The following GPR158 variants were observed in gnomAD, a reference collection of about 807,000 sequenced individuals.
GPR158 encodes the protein G protein-coupled receptor 158.
Under a neutral mutation model 78.2 loss-of-function variants are expected in GPR158, and 30 were observed. That is an observed-to-expected ratio of 0.38 (90% CI 0.29 to 0.52). GPR158 has a LOEUF of 0.52. GPR158 is among the 20% of genes least tolerant of loss of function. GPR158 has a pLI of 0.83. For missense variants in GPR158, 1,463 were observed against 1,523.5 expected (o/e 0.96, Z 0.66); for synonymous variants, 581 against 591.1 (o/e 0.98, Z 0.25).
At chr10:25,357,148 G>T (rs1315298402) in intron 2 of GPR158, among the ~76,000 whole-genome samples, 1 of 152,076 alleles carries the variant, frequency 6.6e-6, no homozygotes, top group Non-Finnish European at 1.5e-5. Flanking sequence ...ATGATTTAGG[G>T]TATCTGGCAG....
At chr10:25,255,739 T>A (rs2130728118) in intron 2 of GPR158, among the ~76,000 whole-genome samples, 1 of 152,334 alleles carries the variant, frequency 6.6e-6, no homozygotes, top group African/African-American at 2.4e-5. Flanking sequence ...TCAAATATCT[T>A]TCTCTTTTGA....
chr10:25,507,636 A>T (rs1395030312), intron 5 of GPR158, among the ~76,000 whole-genome samples: 1 of 152,266 alleles, frequency 6.6e-6, no homozygotes, highest in Non-Finnish European at 1.5e-5. Context: ...ATAATACTGT[A>T]TCAGGGAAAA....
chr10:25,253,094 C>T (rs1406715758), intron 2 of GPR158, among the ~76,000 whole-genome samples: 30 of 152,280 alleles, frequency 2.0e-4, no homozygotes, highest in African/African-American at 6.7e-4. Context: ...CGTCCGTCAC[C>T]CCTTTCTTTG....
chr10:25,396,125 T>G, intron 3 of GPR158, 112 bp downstream of exon 3: 1 of 543,922 alleles, frequency 1.8e-6, no homozygotes, highest in Non-Finnish European at 3.2e-6. Context: ...ATCATTGGTT[T>G]GGCATTCTTT....
chr10:25,175,279 A>C lies in GPR158; in HGVS notation c.-142A>C, dbSNP rs542701721. The C allele has an allele frequency of 3.5e-6, 2 of 564,214 alleles. No individual in the cohort carries two copies. The highest frequency in any genetic ancestry group is 3.8e-5 in the African/African-American group (2 of 52,824). 35.0% of individuals were successfully genotyped at this position (564,214 alleles called of 1,614,324 possible). A position where few individuals can be genotyped will look rare whatever the true frequency, so the allele number is the denominator to read the frequency against. ...CCGGGGCCAATCTCGAAACATTCTT[A>C]TTTTCAAGTCCTTTGGACTGGGTGC... On this transcript the variant is annotated 5_prime_UTR_variant, in exon 1 of 11. Coordinates refer to ENST00000376351, the MANE Select transcript of GPR158 (RefSeq NM_020752.3). The surrounding 1 kb of genome is among the most constrained non-coding windows in gnomAD (Gnocchi z 6.4).
intron 2 of GPR158, among the ~76,000 whole-genome samples, chr10:25,327,174 C>T (rs895594038): frequency 8.6e-5 from 13 of 151,968 alleles, no homozygotes; most frequent in African/African-American, 1.7e-4. Flanking sequence ...CACACACACG[C>T]GCAAGAAGTG....
intron 2 of GPR158, 112 bp from the exon 3 acceptor site, chr10:25,395,799 T>C: frequency 3.8e-6 from 2 of 521,726 alleles, no homozygotes; most frequent in Non-Finnish European, 6.9e-6. Flanking sequence ...CTATTTTATT[T>C]CTGGAAAATG....
chr10:25,278,981 G>A (rs895779801), intron 2 of GPR158, among the ~76,000 whole-genome samples: 2 of 151,972 alleles, frequency 1.3e-5, no homozygotes, highest in African/African-American at 2.4e-5. Flanking sequence ...TAGTATGTAT[G>A]TGTGAAATTA....
intron 2 of GPR158, among the ~76,000 whole-genome samples, chr10:25,261,754 C>A (rs1174161043): frequency 1.3e-5 from 2 of 152,088 alleles, no homozygotes; most frequent in Admixed American, 6.6e-5. Context: ...CGCTTTTAAC[C>A]ATTATGACTG....
At chr10:25,319,275 A>C (rs2130475643) in intron 2 of GPR158, among the ~76,000 whole-genome samples, 1 of 152,324 alleles carries the variant, frequency 6.6e-6, no homozygotes, top group Admixed American at 6.5e-5. Context: ...AGGAGCCTGT[A>C]GACACTTCTG....
chr10:25,391,517 G>A (rs938943751), intron 2 of GPR158, among the ~76,000 whole-genome samples: 1 of 152,122 alleles, frequency 6.6e-6, no homozygotes, highest in South Asian at 2.1e-4. Flanking sequence ...AGATTTGACT[G>A]TCCTGCTGGA....
At chr10:25,361,988 ATTTG>A (rs1249288284) in intron 2 of GPR158, among the ~76,000 whole-genome samples, 1 of 151,536 alleles carries the variant, frequency 6.6e-6, no homozygotes, top group African/African-American at 2.4e-5. Flanking sequence ...ATTTAGTCTC[ATTTG>A]TTTATTTTTG....
At chr10:25,552,841 C>A (rs952744810) in intron 6 of GPR158, among the ~76,000 whole-genome samples, 2 of 152,148 alleles carry the variant, frequency 1.3e-5, no homozygotes, top group Non-Finnish European at 2.9e-5. Context: ...ATGTGAAACC[C>A]GATGTTCAGT....
intron 2 of GPR158, among the ~76,000 whole-genome samples, chr10:25,391,990 G>A (rs142181017): frequency 0.028 from 4,209 of 152,112 alleles, 83 homozygotes; most frequent in Non-Finnish European, 0.043. Context: ...GTTTTATAAA[G>A]GGCAGTTCTC....
intron 2 of GPR158, among the ~76,000 whole-genome samples, chr10:25,222,466 C>T (rs1289243166): frequency 6.6e-6 from 1 of 152,032 alleles, no homozygotes; most frequent in Non-Finnish European, 1.5e-5. Flanking sequence ...CCCACATCTC[C>T]ATACACCTCC....
intron 2 of GPR158, among the ~76,000 whole-genome samples, chr10:25,260,926 T>C (rs951740217): frequency 6.6e-6 from 1 of 152,190 alleles, no homozygotes; most frequent in Non-Finnish European, 1.5e-5. Flanking sequence ...AAGTTTTCAA[T>C]TGGCATTTTT....
At chr10:25,192,722 A>C (rs1852789311) in intron 1 of GPR158, among the ~76,000 whole-genome samples, 1 of 152,140 alleles carries the variant, frequency 6.6e-6, no homozygotes, top group Admixed American at 6.5e-5. Flanking sequence ...CAATTATTCA[A>C]ATTTTTGAGG....
At chr10:25,193,261 GA>G (rs979267152) in intron 1 of GPR158, among the ~76,000 whole-genome samples, 3 of 152,074 alleles carry the variant, frequency 2.0e-5, no homozygotes, top group Non-Finnish European at 2.9e-5. Context: ...GTGCTATAAG[GA>G]AAAAAATAGG....
chr10:25,567,979 A>G (rs1210957209), intron 6 of GPR158, among the ~76,000 whole-genome samples: 7 of 152,192 alleles, frequency 4.6e-5, no homozygotes, highest in Non-Finnish European at 1.0e-4. Context: ...GTAGACATTA[A>G]ATTCTTAATG....
Sources: gnomAD v4.1 joint callset for allele counts (sites outside exome capture counted in the v4.1 genomes callset) on GRCh38, gnomAD v4.1.1 for gene constraint, Gnocchi (gnomAD v3.1) non-coding constraint, MANE v1.5 for transcripts, NCBI Gene and HGNC (gene_info 2026-07-23, HGNC 2026-07-21) for gene names.